Variants in LOXHD1 observed in about 807,000 individuals in gnomAD.
LOXHD1 encodes lipoxygenase homology PLAT domains 1, also known as lipoxygenase homology domain-containing protein 1.
In LOXHD1, 205 loss-of-function variants were observed where a neutral mutation model predicts 248.2. That is an observed-to-expected ratio of 0.83 (90% CI 0.74 to 0.93). The LOEUF (loss-of-function observed/expected upper bound fraction) is 0.93, where lower values mean the gene tolerates loss of function less well. Ranked by LOEUF, LOXHD1 falls within the 40% of genes least tolerant of loss-of-function variation. The pLI is 0.00. For missense variants in LOXHD1, 2,930 were observed against 2,971.6 expected (o/e 0.99, Z 0.33); for synonymous variants, 1,113 against 1,162.8 (o/e 0.96, Z 0.87).
At chr18:46,551,294 G>A (rs767761575) in intron 21 of LOXHD1, among the ~76,000 whole-genome samples, 9 of 151,786 alleles carry the variant, frequency 5.9e-5, no homozygotes, top group East Asian at 1.9e-4. Flanking sequence ...TAGTAGATAC[G>A]GGGTTTCACC....
Position 46,518,259 on chromosome 18 carries a change from G to T in LOXHD1, c.5272-3C>A, listed in dbSNP as rs1309722335. The T allele has an allele frequency of 3.2e-6, 5 of 1,550,942 alleles. No individual in the cohort carries two copies. Among genetic ancestry groups the T allele is most frequent in the East Asian group, 4.9e-5 (2 of 40,906 alleles). On this transcript the variant is annotated splice_polypyrimidine_tract_variant and splice_region_variant and intron_variant, in intron 33 of 40. Coordinates refer to ENST00000642948, the MANE Select transcript of LOXHD1 (RefSeq NM_001384474.1). ...CACACCGTCATTTCATAGAGAACCT[G>T]CCATGAGAGGAATGCAGGTGCTGAG...
At chr18:46,624,647 C>A (rs1009819938) in intron 4 of LOXHD1, among the ~76,000 whole-genome samples, 2 of 152,168 alleles carry the variant, frequency 1.3e-5, no homozygotes, top group Non-Finnish European at 2.9e-5. Context: ...TCTTCCACCT[C>A]CAGTACATCC....
chr18:46,520,746 A>T (rs996156463), intron 33 of LOXHD1: 4 of 264,428 alleles, frequency 1.5e-5, no homozygotes, highest in African/African-American at 8.8e-5. Flanking sequence ...GTCTACATAG[A>T]GCTGCTTACT....
chr18:46,505,071 T>C (rs2034474026), intron 37 of LOXHD1, among the ~76,000 whole-genome samples: 1 of 152,238 alleles, frequency 6.6e-6, no homozygotes, highest in Admixed American at 6.5e-5. Flanking sequence ...CCTTAGGCAC[T>C]GCAAAGTTAA....
At chr18:46,586,492 C>A (rs1002534163) in intron 12 of LOXHD1, among the ~76,000 whole-genome samples, 3 of 152,180 alleles carry the variant, frequency 2.0e-5, no homozygotes, top group Non-Finnish European at 4.4e-5. Context: ...GTTGCCCAGG[C>A]TGGAGTGCAA....
In LOXHD1 at chr18:46,541,833, C is replaced by T. The variant is rs1011743705; in HGVS notation, c.3856G>A (p.Gly1286Arg). The change falls in exon 25 of 41, where the codon GGG (glycine) becomes AGG (arginine). Residue 1286 changes from glycine (G) to arginine (R), a missense_variant. By Grantham distance (125) the Gly-to-Arg change is moderately radical (BLOSUM62 -2). Transcript: ENST00000642948. ...GRWLAKNEDD[G>R]SIIRDLFHAE... is the part of the protein sequence containing the mutation. ...TGGAAGAGGTCTCTGATGATGGACC[C>T]GTCGTCTTCGTTTTTGGCCAGCCAG... is the stretch of plus-strand genomic sequence containing the variant. 23 of 1,551,580 alleles carry T rather than the reference C, an allele frequency of 1.5e-5. No individual in the cohort carries two copies. The highest frequency in any genetic ancestry group is 5.9e-5 in the South Asian group (5 of 84,066).
At chr18:46,597,593 A>G (rs1406786094) in intron 8 of LOXHD1, among the ~76,000 whole-genome samples, 1 of 150,646 alleles carries the variant, frequency 6.6e-6, no homozygotes, top group Non-Finnish European at 1.5e-5. Context: ...TACCTGTACA[A>G]TTTTGCAGGA....
At chr18:46,578,043 C>G (rs745743259) in intron 13 of LOXHD1, among the ~76,000 whole-genome samples, 176 bp from the exon 14 acceptor site, 1 of 152,196 alleles carries the variant, frequency 6.6e-6, no homozygotes, top group Non-Finnish European at 1.5e-5. Context: ...CCCCCAATTT[C>G]TTCCACTGGA....
At chr18:46,597,787 C>T (rs569333513) in intron 8 of LOXHD1, among the ~76,000 whole-genome samples, 21 of 150,368 alleles carry the variant, frequency 1.4e-4, no homozygotes, top group African/African-American at 3.9e-4. Context: ...GATGGAGTCT[C>T]GCTCTGTTGC....
chr18:46,646,356 A>G (rs2039030047), intron 2 of LOXHD1, among the ~76,000 whole-genome samples: 1 of 152,148 alleles, frequency 6.6e-6, no homozygotes, highest in Non-Finnish European at 1.5e-5. Flanking sequence ...ATTCCTCAGA[A>G]AGCAATGCCC....
At chr18:46,505,740 G>C in intron 37 of LOXHD1, 98 bp downstream of exon 37, 4 of 1,295,240 alleles carry the variant, frequency 3.1e-6, no homozygotes, top group Admixed American at 4.0e-5. Flanking sequence ...TGCCACCCTG[G>C]GGTAATCAGA....
intron 26 of LOXHD1, among the ~76,000 whole-genome samples, chr18:46,537,772 G>A (rs1228942046): frequency 6.6e-6 from 1 of 152,206 alleles, no homozygotes; most frequent in Admixed American, 6.5e-5. Flanking sequence ...CACTGGTGGT[G>A]GGATTTCCAC....
At chr18:46,612,462 A>T (rs1250503249) in intron 5 of LOXHD1, among the ~76,000 whole-genome samples, 4 of 152,108 alleles carry the variant, frequency 2.6e-5, no homozygotes, top group African/African-American at 9.7e-5. Context: ...TCCCCTGCTT[A>T]TTTGGGGAGA....
At chr18:46,625,726 A>G (rs1327157163) in intron 4 of LOXHD1, among the ~76,000 whole-genome samples, 1 of 152,148 alleles carries the variant, frequency 6.6e-6, no homozygotes, top group Non-Finnish European at 1.5e-5. Flanking sequence ...AGGAGGGAGT[A>G]GATCAGCTTC....
intron 29 of LOXHD1, among the ~76,000 whole-genome samples, chr18:46,527,969 C>T (rs780330990): frequency 2.6e-5 from 4 of 152,114 alleles, no homozygotes; most frequent in Non-Finnish European, 4.4e-5. Flanking sequence ...ACCTGGCAGC[C>T]AGGCTGGGGC....
chr18:46,631,406 C>T (rs1043669357), intron 4 of LOXHD1, among the ~76,000 whole-genome samples: 3 of 152,178 alleles, frequency 2.0e-5, no homozygotes, highest in African/African-American at 4.8e-5. Flanking sequence ...GTCCTCCTCC[C>T]TGCCCGTGAG....
intron 39 of LOXHD1, 60 bp downstream of exon 39, chr18:46,484,959 C>T: frequency 6.5e-7 from 1 of 1,533,230 alleles, no homozygotes; most frequent in African/African-American, 1.4e-5. Context: ...GAGGGAGATT[C>T]TCGGGGTCCT....
At chr18:46,545,446 A>G in intron 22 of LOXHD1, 25 bp from the exon 23 acceptor site, 1 of 1,502,670 alleles carries the variant, frequency 6.7e-7, no homozygotes, top group Non-Finnish European at 9.1e-7. Flanking sequence ...GTATAGAGCA[A>G]TGAATTGTAG....
intron 19 of LOXHD1, 150 bp from the exon 20 acceptor site, chr18:46,559,752 C>G: frequency 1.1e-6 from 1 of 928,426 alleles, no homozygotes. Context: ...GCCCACACTC[C>G]CAACCCAAGA....
Sources: gnomAD v4.1 joint callset for allele counts (sites outside exome capture counted in the v4.1 genomes callset) on GRCh38, gnomAD v4.1.1 for gene constraint, MANE v1.5 for transcripts, NCBI Gene and HGNC (gene_info 2026-07-23, HGNC 2026-07-21) for gene names.